BRCA1: variants seen among roughly 807,000 people sequenced by gnomAD.
BRCA1 encodes breast cancer type 1 susceptibility protein.
A neutral mutation model predicts 173.7 loss-of-function variants in BRCA1; 140 were observed. The ratio of observed to expected loss-of-function variants is 0.81; its 90% confidence interval spans 0.70 to 0.93. BRCA1 has a LOEUF of 0.93. BRCA1 is among the 40% of genes least tolerant of loss of function. The pLI is 0.00. For missense variants in BRCA1, 1,983 were observed against 2,172.5 expected, an observed-to-expected ratio of 0.91 and a Z score of 1.73; for synonymous variants, 662 against 756.0, an observed-to-expected ratio of 0.88 and a Z score of 2.04.
intron 11 of BRCA1, chr17:43,082,825 T>C (rs1243656977): frequency 5.7e-6 from 3 of 522,092 alleles, no homozygotes; most frequent in East Asian, 3.3e-5. Context: ...GTTATTGTGA[T>C]GTCCTTTTGA....
chr17:43,085,473 T>C (rs1423908663), intron 11 of BRCA1, among the ~76,000 whole-genome samples: 1 of 152,232 alleles, frequency 6.6e-6, no homozygotes, highest in East Asian at 1.9e-4. Flanking sequence ...TTCCTCAACA[T>C]AGCATTCAAA....
In BRCA1 at chr17:43,044,534, A is replaced by T. The variant is rs1337131175; in HGVS notation, c.*1144T>A. On this transcript the variant is annotated 3_prime_UTR_variant, in exon 23 of 23. Coordinates refer to ENST00000357654, the MANE Select transcript of BRCA1 (RefSeq NM_007294.4). Reference sequence around the variant, plus strand: ...TCAGCAACAGGGAGCAAAGGAAAAAAATCACCTCAAAGAAAGCAACAGCTT... The same window carrying T: ...TCAGCAACAGGGAGCAAAGGAAAAATATCACCTCAAAGAAAGCAACAGCTT... The T allele has an allele frequency of 5.9e-6, 3 of 506,296 alleles. No homozygotes were observed. The highest frequency in any genetic ancestry group is 4.6e-5 in the South Asian group (3 of 64,888). 31.4% of individuals were successfully genotyped at this position (506,296 alleles called of 1,614,324 possible). A position where few individuals can be genotyped will look rare whatever the true frequency, so the allele number is the denominator to read the frequency against.
At chr17:43,127,126 G>T (rs1265715830), upstream of BRCA1, among the ~76,000 whole-genome samples, 4 of 152,350 alleles carry the variant, frequency 2.6e-5, no homozygotes, top group East Asian at 7.7e-4. Flanking sequence ...CTCCAGCGTG[G>T]CCTGAGCCTC....
chr17:43,079,893 T>C (rs1479910733), intron 12 of BRCA1: 10 of 642,752 alleles, frequency 1.6e-5, no homozygotes, highest in Middle Eastern at 4.1e-4. Flanking sequence ...ATGGGCCTCA[T>C]GCAATGAAGC....
chr17:43,072,845 T>C (rs1294594579), intron 14 of BRCA1, among the ~76,000 whole-genome samples: 1 of 151,106 alleles, frequency 6.6e-6, no homozygotes, highest in Non-Finnish European at 1.5e-5. Flanking sequence ...ATTACAGGCG[T>C]AAGCCACCCA....
chr17:43,114,609 A>G (rs918816493), intron 3 of BRCA1, among the ~76,000 whole-genome samples: 2 of 152,304 alleles, frequency 1.3e-5, no homozygotes, highest in East Asian at 3.9e-4. Flanking sequence ...CAAAGGATAC[A>G]TAAGAAATTG....
chr17:43,107,298 C>T lies in BRCA1; in HGVS notation c.135-765G>A, dbSNP rs1236932759. On this transcript the variant is annotated intron_variant, in intron 3 of 22. Transcript: ENST00000357654. The stretch of plus-strand genomic sequence containing the variant: ...CAGGATGGTCTCCATCTCCTGACCT[C>T]GTGATCTGCCCGCCTCTGCCTCCCA... 4.0e-5 allele frequency among the ~76,000 whole-genome samples: 6 copies of T among 151,740 alleles called. No homozygotes were observed. The East Asian group carries it at 7.7e-4, about 20-fold the overall frequency.
In BRCA1 at chr17:43,045,817, C is replaced by T. The variant is rs2050892449; in HGVS notation, c.5468-15G>A. 5 of 1,613,154 alleles carry T rather than the reference C, an allele frequency of 3.1e-6. No individual in the cohort carries two copies. Among genetic ancestry groups the T allele is most frequent in the Non-Finnish European group, 4.2e-6 (5 of 1,179,468 alleles). ...CTGCCCAATTGCTGGAGACAGAGAA[C>T]ACAAGCAGAGATTAGTGTCAATTCA... On this transcript the variant is annotated splice_polypyrimidine_tract_variant and intron_variant, in intron 22 of 22. Transcript: ENST00000357654.
chr17:43,044,944 C>T lies in BRCA1; in HGVS notation c.*734G>A, dbSNP rs771810795. 6 of 475,178 alleles carry T rather than the reference C, an allele frequency of 1.3e-5. No individual in the cohort carries two copies. In the Middle Eastern group the frequency reaches 2.5e-3, roughly 200 times the overall value. 29.4% of individuals were successfully genotyped at this position (475,178 alleles called of 1,614,324 possible). A position where few individuals can be genotyped will look rare whatever the true frequency, so the allele number is the denominator to read the frequency against. On this transcript the variant is annotated 3_prime_UTR_variant, in exon 23 of 23. Transcript: ENST00000357654. ...TTAGCCACCTGAGTAGCTGGGATTA[C>T]AGGTGTCCACCACCATGACCGGCTA...
At chr17:43,050,977 C>A (rs1281449990) in intron 20 of BRCA1, 86 bp downstream of exon 20, 4 of 1,320,582 alleles carry the variant, frequency 3.0e-6, no homozygotes, top group Non-Finnish European at 4.4e-6. Flanking sequence ...ATCTGAGGAA[C>A]CCCCATCGTG....
chr17:43,051,107 C>A lies in BRCA1; in HGVS notation c.5288G>T (p.Gly1763Val), dbSNP rs80357007. Reference protein sequence around the residue: ...RESQDRKIFRGLEICCYGPFT... With the variant: ...RESQDRKIFRVLEICCYGPFT... ...GGGCCCATAGCAACAGATTTCTAGCCCCCTGAAGATCTGGAAGAAGAGAGG... is the reference window on the plus strand; with the variant it reads ...GGGCCCATAGCAACAGATTTCTAGCACCCTGAAGATCTGGAAGAAGAGAGG... Residue 1763 changes from glycine (G) to valine (V), a missense_variant, in exon 20 of 23, where the codon GGG (glycine) becomes GTG (valine). Physicochemically the swap from Gly to Val is moderately radical, Grantham distance 109 (BLOSUM62 -3). Transcript: ENST00000357654. 2 of 1,613,904 alleles carry A rather than the reference C, an allele frequency of 1.2e-6. No homozygotes were observed. The highest frequency in any genetic ancestry group is 1.7e-6 in the Non-Finnish European group (2 of 1,179,892).
chr17:43,048,535 G>C (rs1275659982), intron 21 of BRCA1, among the ~76,000 whole-genome samples: 1 of 131,742 alleles, frequency 7.6e-6, no homozygotes, highest in Admixed American at 8.2e-5. Context: ...TTTTTTTTTA[G>C]ACAAAGTCTC....
intron 2 of BRCA1, among the ~76,000 whole-genome samples, chr17:43,121,240 T>G (rs2055552687): frequency 6.6e-6 from 1 of 150,470 alleles, no homozygotes; most frequent in African/African-American, 2.5e-5. Context: ...CCGGGCATAG[T>G]GGTGGGCGCC....
intron 7 of BRCA1, among the ~76,000 whole-genome samples, chr17:43,098,141 C>T (rs566118195): frequency 2.0e-5 from 3 of 151,182 alleles, no homozygotes; most frequent in Non-Finnish European, 4.4e-5. Context: ...CCACTCACCT[C>T]TGCCTCCTGA....
chr17:43,056,909 A>T lies in BRCA1; in HGVS notation c.5277+143T>A, dbSNP rs2051486153. The T allele has an allele frequency of 8.7e-6, 7 of 806,160 alleles. No individual in the cohort carries two copies. In the Admixed American group the frequency reaches 1.2e-4, roughly 14 times the overall value. 49.9% of individuals were successfully genotyped at this position (806,160 alleles called of 1,614,324 possible). ...TTTATGTGGTTGGGATGGAAGAGTG[A>T]AAAAAGAACCTGTGTGAAAGTATCT... On this transcript the variant is annotated intron_variant, in intron 19 of 22. Transcript: ENST00000357654.
At chr17:43,131,859 C>T (rs1406636671) in intron 1 of BRCA1, among the ~76,000 whole-genome samples, 1 of 152,152 alleles carries the variant, frequency 6.6e-6, no homozygotes, top group Admixed American at 6.5e-5. Context: ...TCTCAGCTCA[C>T]TGCAACCTCT....
chr17:43,151,812 C>T (rs1334346955), intron 1 of BRCA1, among the ~76,000 whole-genome samples: 1 of 152,224 alleles, frequency 6.6e-6, no homozygotes, highest in Non-Finnish European at 1.5e-5. Context: ...GGGAAGATCA[C>T]TTCAGCACAA....
chr17:43,141,333 G>A (rs1340608340), intron 1 of BRCA1, among the ~76,000 whole-genome samples: 2 of 152,144 alleles, frequency 1.3e-5, no homozygotes, highest in African/African-American at 4.8e-5. Flanking sequence ...GCCAGGCATG[G>A]TGGTGCATGC....
rs1597882068 is a variant in BRCA1 at position 43,095,898 on chromosome 17, T to A, written c.618A>T (p.Gln206His). The A allele has an allele frequency of 1.2e-6, 2 of 1,613,722 alleles. No homozygotes were observed. The highest frequency in any genetic ancestry group is 2.7e-5 in the African/African-American group (2 of 75,028). ...YCSVGDQELL[Q>H]ITPQGTRDEI... is the part of the protein sequence containing the mutation. ...CATCCCTGGTTCCTTGAGGGGTGAT[T>A]TGTAACAATTCTTGATCTCCCACAC... is the stretch of plus-strand genomic sequence containing the variant. Residue 206 changes from glutamine to histidine, a missense_variant, in exon 9 of 23, where the codon CAA becomes CAT. Gln to His is a conservative substitution (Grantham distance 24). Coordinates refer to ENST00000357654, the MANE Select transcript of BRCA1 (RefSeq NM_007294.4).
Sources: allele counts gnomAD v4.1 joint callset (sites outside exome capture counted in the v4.1 genomes callset), GRCh38; gene constraint gnomAD v4.1.1; transcripts MANE v1.5; gene names NCBI Gene and HGNC (gene_info 2026-07-23, HGNC 2026-07-21).